The following CDH13 variants were observed in gnomAD, a reference collection of about 807,000 sequenced individuals.
CDH13 encodes the protein cadherin-13.
CDH13 carries 24 observed loss-of-function variants against 63.8 expected under a neutral mutation model. The ratio of observed to expected loss-of-function variants is 0.38; its 90% CI spans 0.27 to 0.53. The LOEUF (loss-of-function observed/expected upper bound fraction) is 0.53, where lower values mean the gene tolerates loss of function less well. CDH13 is among the 20% of genes least tolerant of loss of function. CDH13 has a pLI of 0.85. For synonymous variants in CDH13, 503 were observed against 355.3 expected, an observed-to-expected ratio of 1.42 and a Z score of -4.67; for missense variants, 1,049 against 903.1, an observed-to-expected ratio of 1.16 and a Z score of -2.07.
chr16:83,715,752 G>A (rs1337070991), intron 10 of CDH13, among the ~76,000 whole-genome samples: 1 of 152,182 alleles, frequency 6.6e-6, no homozygotes, highest in African/African-American at 2.4e-5. Context: ...GAGAGATTGT[G>A]ATGCCTTGGC....
At chr16:82,640,317 C>T (rs1377900681) in intron 1 of CDH13, among the ~76,000 whole-genome samples, 5 of 152,178 alleles carry the variant, frequency 3.3e-5, no homozygotes, top group Non-Finnish European at 5.9e-5. Context: ...TTTGTCTTCA[C>T]TGATAAAGTG....
At chr16:83,199,776 C>T (rs779111230) in intron 4 of CDH13, among the ~76,000 whole-genome samples, 7 of 152,110 alleles carry the variant, frequency 4.6e-5, no homozygotes, top group South Asian at 2.1e-4. Flanking sequence ...TCTGTCCTCC[C>T]GAGGACCTCA....
At chr16:83,745,129 C>G (rs1429477346) in intron 10 of CDH13, among the ~76,000 whole-genome samples, 8 of 152,166 alleles carry the variant, frequency 5.3e-5, no homozygotes, top group Non-Finnish European at 2.9e-5. Flanking sequence ...GGAGCGGTGT[C>G]CAGCCGGCGC....
intron 3 of CDH13, among the ~76,000 whole-genome samples, chr16:83,075,717 T>C (rs939132429): frequency 2.6e-5 from 4 of 152,216 alleles, no homozygotes; most frequent in Non-Finnish European, 5.9e-5. Context: ...AGTTTTCCAA[T>C]AGAGACATAT....
intron 6 of CDH13, among the ~76,000 whole-genome samples, chr16:83,475,147 G>A (rs577546614): frequency 6.6e-6 from 1 of 152,374 alleles, no homozygotes; most frequent in East Asian, 1.9e-4. Flanking sequence ...TCAAGAGGGT[G>A]ACAACAGAGC....
At chr16:83,528,646 T>C (rs2075015204) in intron 7 of CDH13, among the ~76,000 whole-genome samples, 1 of 152,220 alleles carries the variant, frequency 6.6e-6, no homozygotes, top group African/African-American at 2.4e-5. Context: ...TCCATCTATC[T>C]CTAAATTTCC....
At chr16:83,264,041 A>G (rs750027694) in intron 5 of CDH13, among the ~76,000 whole-genome samples, 2 of 152,160 alleles carry the variant, frequency 1.3e-5, no homozygotes, top group African/African-American at 4.8e-5. Context: ...TCTACATCCA[A>G]TTTCCATTTT....
At chr16:82,667,010 T>C (rs1912666655) in intron 1 of CDH13, among the ~76,000 whole-genome samples, 1 of 152,184 alleles carries the variant, frequency 6.6e-6, no homozygotes, top group African/African-American at 2.4e-5. Flanking sequence ...CCCTACTGCT[T>C]GCAAGCCAAC....
Position 83,594,727 on chromosome 16 carries a change from T to G in CDH13, c.961-7727T>G, listed in dbSNP as rs79337107. 1.9e-3 allele frequency among the ~76,000 whole-genome samples: 289 copies of G among 152,268 alleles called. 4 individuals carry two copies. The East Asian group carries it at 0.052, about 27-fold the overall frequency. On this transcript the variant is annotated intron_variant, in intron 7 of 13. Transcript: ENST00000567109. ...CCACATCACATCTATTTGTTGATTT[T>G]CCCCCCACAGCTACCACTATGCTTG...
At chr16:83,281,519 C>T (rs903537037) in intron 5 of CDH13, among the ~76,000 whole-genome samples, 2 of 152,172 alleles carry the variant, frequency 1.3e-5, no homozygotes, top group African/African-American at 4.8e-5. Context: ...GTTTTGTTTC[C>T]TTCAAGAACT....
intron 1 of CDH13, among the ~76,000 whole-genome samples, chr16:82,709,089 A>G (rs1462066700): frequency 6.6e-6 from 1 of 152,118 alleles, no homozygotes; most frequent in Non-Finnish European, 1.5e-5. Flanking sequence ...CTCCTCTTTC[A>G]CTGCAGTAGA....
At chr16:83,244,472 G>T (rs1468746732) in intron 5 of CDH13, among the ~76,000 whole-genome samples, 2 of 152,150 alleles carry the variant, frequency 1.3e-5, no homozygotes, top group Non-Finnish European at 2.9e-5. Context: ...CAGAAACTGT[G>T]CTCGGTGTTT....
At chr16:83,496,261 A>G (rs1490304621) in intron 7 of CDH13, among the ~76,000 whole-genome samples, 1 of 148,372 alleles carries the variant, frequency 6.7e-6, no homozygotes, top group Admixed American at 6.7e-5. Flanking sequence ...TTCAAACTAT[A>G]CTACAAGGCT....
chr16:83,136,247 G>T (rs1168148547), intron 4 of CDH13, among the ~76,000 whole-genome samples: 6 of 151,800 alleles, frequency 4.0e-5, no homozygotes, highest in African/African-American at 7.3e-5. Context: ...ACTTTGGGAG[G>T]CCGAGGCAGG....
chr16:83,412,636 G>A lies in CDH13; in HGVS notation c.781+67630G>A, dbSNP rs139635240. ...GAAAGAAGATCTCAGCGGGGAGAAG[G>A]TGGGGTGGGGCACATCAACTCCTTG... On this transcript the variant is annotated intron_variant, in intron 6 of 13. Transcript: ENST00000567109. Among the ~76,000 whole-genome samples the A allele has an allele frequency of 6.3e-3, 956 of 152,270 alleles. 4 individuals are homozygous for A. Among genetic ancestry groups the A allele is most frequent in the Middle Eastern group, 0.014 (4 of 294 alleles).
chr16:83,373,198 G>A (rs779659636), intron 6 of CDH13, among the ~76,000 whole-genome samples: 4 of 152,126 alleles, frequency 2.6e-5, no homozygotes, highest in Admixed American at 6.6e-5. Flanking sequence ...GGAAGCAGAC[G>A]GCATGCTCAA....
intron 9 of CDH13, among the ~76,000 whole-genome samples, chr16:83,673,080 T>C (rs1914654602): frequency 6.6e-6 from 1 of 152,248 alleles, no homozygotes; most frequent in South Asian, 2.1e-4. Context: ...TAATTGCTTA[T>C]TCATACATAG....
At chr16:82,716,204 G>A (rs1214227362) in intron 1 of CDH13, among the ~76,000 whole-genome samples, 1 of 152,156 alleles carries the variant, frequency 6.6e-6, no homozygotes, top group African/African-American at 2.4e-5. Flanking sequence ...TTGGGTTCAG[G>A]CATGTCCTCT....
At chr16:83,390,641 C>T (rs903048277) in intron 6 of CDH13, among the ~76,000 whole-genome samples, 3 of 152,194 alleles carry the variant, frequency 2.0e-5, no homozygotes, top group Admixed American at 2.0e-4. Context: ...CACTGTCTCC[C>T]CACCCCAACA....
Sources: allele counts gnomAD v4.1 joint callset (sites outside exome capture counted in the v4.1 genomes callset), GRCh38; gene constraint gnomAD v4.1.1; transcripts MANE v1.5; gene names NCBI Gene and HGNC (gene_info 2026-07-23, HGNC 2026-07-21).